ZFHX3: variants seen among roughly 807,000 people sequenced by gnomAD.
ZFHX3 encodes zinc finger homeobox protein 3.
A neutral mutation model predicts 279.1 loss-of-function variants in ZFHX3; 42 were observed. The ratio of observed to expected loss-of-function variants is 0.15; its 90% CI spans 0.12 to 0.19. ZFHX3 has a LOEUF of 0.19. Ranked by LOEUF, ZFHX3 falls within the 10% of genes least tolerant of loss-of-function variation. ZFHX3 has a pLI of 1.00. For synonymous variants in ZFHX3, 2,293 were observed against 1,957.8 expected (o/e 1.17, Z -4.52); for missense variants, 4,981 against 4,754.0 (o/e 1.05, Z -1.40).
At position 73,214,735 on chromosome 16, in the gene ZFHX3, C is replaced by A. The variant is rs573659254; in HGVS notation, c.-1104+42312G>T. Among the ~76,000 whole-genome samples, 10 of 151,808 alleles carry A rather than the reference C, an allele frequency of 6.6e-5. No homozygotes were observed. In the East Asian group the frequency reaches 1.9e-3, roughly 29 times the overall value. ...AGAAAATACAACTCAACACAAGAGC[C>A]TTTCTTCAAATGGAAATTTTCTGGC... is the stretch of plus-strand genomic sequence containing the variant. On this transcript the variant is annotated intron_variant, in intron 5 of 17. Transcript: ENST00000641206.
At chr16:73,208,734 T>C (rs1199452410) in intron 5 of ZFHX3, among the ~76,000 whole-genome samples, 1 of 152,166 alleles carries the variant, frequency 6.6e-6, no homozygotes, top group East Asian at 1.9e-4. Context: ...TGCCTACTTT[T>C]CTGTACTTCC....
intron 1 of ZFHX3, among the ~76,000 whole-genome samples, chr16:73,028,404 G>A (rs1964585750): frequency 6.6e-6 from 1 of 152,170 alleles, no homozygotes; most frequent in African/African-American, 2.4e-5. Flanking sequence ...GTGTGGCCAG[G>A]CAGGCTCAGA....
At chr16:73,138,052 C>T (rs181138767) in intron 6 of ZFHX3, among the ~76,000 whole-genome samples, 3 of 152,196 alleles carry the variant, frequency 2.0e-5, no homozygotes, top group East Asian at 1.9e-4. Context: ...CAGTAGAAGC[C>T]GACATTGTGT....
intron 1 of ZFHX3, among the ~76,000 whole-genome samples, chr16:73,791,549 T>C (rs747662412): frequency 6.6e-6 from 1 of 152,188 alleles, no homozygotes; most frequent in Non-Finnish European, 1.5e-5. Flanking sequence ...CTCAGCCTCC[T>C]GAGTAGCCAG....
chr16:73,853,296 A>AG (rs1961635496), intron 1 of ZFHX3, among the ~76,000 whole-genome samples: 1 of 152,228 alleles, frequency 6.6e-6, no homozygotes, highest in Admixed American at 6.5e-5. Flanking sequence ...AAATAGAGCT[A>AG]CCATTTGACT....
chr16:73,114,482 C>T (rs1966410375), intron 7 of ZFHX3, among the ~76,000 whole-genome samples: 1 of 151,810 alleles, frequency 6.6e-6, no homozygotes, highest in Non-Finnish European at 1.5e-5. Flanking sequence ...TTAAGACCAA[C>T]CTGGGCAACA....
At chr16:72,886,734 C>G (rs12926056) in intron 4 of ZFHX3, among the ~76,000 whole-genome samples, 1 of 151,962 alleles carries the variant, frequency 6.6e-6, no homozygotes, top group South Asian at 2.1e-4. Context: ...AAGGAGAATC[C>G]GGGGAATGAC....
At chr16:73,231,704 T>C (rs62052451) in intron 5 of ZFHX3, among the ~76,000 whole-genome samples, 13,885 of 152,248 alleles carry the variant, frequency 0.091, 796 homozygotes, top group Middle Eastern at 0.17. Context: ...AGCAAATGTA[T>C]CCCTAATATT....
intron 1 of ZFHX3, among the ~76,000 whole-genome samples, chr16:73,710,609 T>G (rs192755299): frequency 6.6e-6 from 1 of 152,226 alleles, no homozygotes; most frequent in Admixed American, 6.5e-5. Flanking sequence ...CCATGGAATG[T>G]AGAGAGAGAC....
At chr16:73,224,206 T>C (rs2012516861) in intron 5 of ZFHX3, among the ~76,000 whole-genome samples, 1 of 152,200 alleles carries the variant, frequency 6.6e-6, no homozygotes, top group Non-Finnish European at 1.5e-5. Context: ...TCAATGTAGA[T>C]TTACCAGTTG....
intron 1 of ZFHX3, among the ~76,000 whole-genome samples, chr16:73,025,372 C>T (rs377351710): frequency 6.6e-6 from 1 of 152,260 alleles, no homozygotes; most frequent in African/African-American, 2.4e-5. Context: ...CAGAGCTCCA[C>T]CTCTGGGAAT....
chr16:73,820,003 G>A (rs1182533217), intron 1 of ZFHX3, among the ~76,000 whole-genome samples: 2 of 152,164 alleles, frequency 1.3e-5, no homozygotes, highest in East Asian at 1.9e-4. Flanking sequence ...TCATAAGGAG[G>A]TGAGGTTTCT....
At chr16:73,265,730 A>G (rs966997740) in intron 4 of ZFHX3, among the ~76,000 whole-genome samples, 2 of 152,196 alleles carry the variant, frequency 1.3e-5, no homozygotes, top group African/African-American at 4.8e-5. Flanking sequence ...CAGATCACCT[A>G]CATTAATAGA....
chr16:73,734,179 T>C (rs1209497266), intron 1 of ZFHX3, among the ~76,000 whole-genome samples: 2 of 152,134 alleles, frequency 1.3e-5, no homozygotes, highest in African/African-American at 4.8e-5. Flanking sequence ...CTGGCTGGCT[T>C]CACCCACCCT....
At chr16:73,097,918 T>C (rs978160560) in intron 7 of ZFHX3, among the ~76,000 whole-genome samples, 15 of 152,226 alleles carry the variant, frequency 9.9e-5, no homozygotes, top group Non-Finnish European at 8.8e-5. Flanking sequence ...CCTTAATTCA[T>C]TTTATACCAA....
intron 3 of ZFHX3, among the ~76,000 whole-genome samples, chr16:72,917,870 T>A (rs1487782891): frequency 6.6e-6 from 1 of 152,134 alleles, no homozygotes; most frequent in African/African-American, 2.4e-5. Flanking sequence ...GAAATATATA[T>A]GTGTGTATAT....
intron 3 of ZFHX3, among the ~76,000 whole-genome samples, chr16:72,931,822 G>A (rs1258132543): frequency 1.3e-5 from 2 of 152,200 alleles, no homozygotes; most frequent in East Asian, 1.9e-4. Flanking sequence ...CTTATGCAAC[G>A]AGGGTATGTG....
At chr16:73,763,402 G>C (rs1268015826) in intron 1 of ZFHX3, among the ~76,000 whole-genome samples, 2 of 152,172 alleles carry the variant, frequency 1.3e-5, no homozygotes, top group Non-Finnish European at 2.9e-5. Context: ...GTTATTATCT[G>C]CATGAACCCA....
chr16:73,235,185 T>A (rs1247818918), intron 5 of ZFHX3, among the ~76,000 whole-genome samples: 1 of 152,114 alleles, frequency 6.6e-6, no homozygotes, highest in Non-Finnish European at 1.5e-5. Flanking sequence ...TTCTCCTGCC[T>A]CAGCCTCCTG....
Sources: allele counts gnomAD v4.1 joint callset (sites outside exome capture counted in the v4.1 genomes callset), GRCh38; gene constraint gnomAD v4.1.1; transcripts MANE v1.5; gene names NCBI Gene and HGNC (gene_info 2026-07-23, HGNC 2026-07-21).